The following KYAT3 variants were observed in gnomAD, a reference collection of about 807,000 sequenced individuals.
The protein encoded by KYAT3 is kynurenine aminotransferase 3.
Under a neutral mutation model 59.0 loss-of-function variants are expected in KYAT3, and 50 were observed. That is an observed-to-expected ratio of 0.85 (90% CI 0.68 to 1.07). The LOEUF is 1.07. KYAT3 is among the 50% of genes least tolerant of loss of function. The pLI is 0.00. For synonymous variants in KYAT3, 148 were observed against 177.0 expected, an observed-to-expected ratio of 0.84 and a Z score of 1.30; for missense variants, 497 against 533.3, an observed-to-expected ratio of 0.93 and a Z score of 0.67.
At chr1:88,976,294 T>C (rs993518284) in intron 2 of KYAT3, among the ~76,000 whole-genome samples, 7 of 151,912 alleles carry the variant, frequency 4.6e-5, no homozygotes, top group East Asian at 1.9e-4. Flanking sequence ...GAGGCAGAGG[T>C]TGCAGTAAGC....
At chr1:88,944,098 T>C (rs890194859) in intron 11 of KYAT3, among the ~76,000 whole-genome samples, 5 of 152,200 alleles carry the variant, frequency 3.3e-5, no homozygotes, top group Non-Finnish European at 5.9e-5. Flanking sequence ...CAATTTTGCT[T>C]TAAGGTCTGG....
intron 12 of KYAT3, 52 bp from the exon 13 acceptor site, chr1:88,943,143 T>C: frequency 7.2e-7 from 1 of 1,388,248 alleles, no homozygotes; most frequent in Admixed American, 1.7e-5. Flanking sequence ...ACTTCAAATA[T>C]TAATTTTGGT....
chr1:88,922,768 T>C, the KYAT3 span, among the ~76,000 whole-genome samples: 2 of 152,294 alleles, frequency 1.3e-5, no homozygotes, highest in African/African-American at 4.8e-5. Context: ...CTGACCCTTC[T>C]TCCAACCAAT....
chr1:88,966,563 T>C (rs1676358942), intron 4 of KYAT3, among the ~76,000 whole-genome samples: 1 of 152,184 alleles, frequency 6.6e-6, no homozygotes, highest in African/African-American at 2.4e-5. Flanking sequence ...TTTTGTATAT[T>C]GGCTTTGTGT....
downstream of KYAT3, among the ~76,000 whole-genome samples, chr1:88,931,069 C>T (rs1394003277): frequency 6.6e-6 from 1 of 152,086 alleles, no homozygotes; most frequent in African/African-American, 2.4e-5. Flanking sequence ...GGCTAGCCAC[C>T]AAGAAGGAAA....
intron 11 of KYAT3, among the ~76,000 whole-genome samples, chr1:88,947,298 G>A (rs1426629651): frequency 6.6e-6 from 1 of 152,156 alleles, no homozygotes; most frequent in Non-Finnish European, 1.5e-5. Context: ...CCCCAAAAAG[G>A]CTTTGGCCCA....
At chr1:88,969,598 A>C in intron 2 of KYAT3, 131 bp from the exon 3 acceptor site, 1 of 590,644 alleles carries the variant, frequency 1.7e-6, no homozygotes, top group Non-Finnish European at 3.0e-6. Flanking sequence ...TAAATCTTAG[A>C]CTCCAACACA....
chr1:88,939,032 A>AT (rs1675140870), intron 13 of KYAT3, among the ~76,000 whole-genome samples: 1 of 152,182 alleles, frequency 6.6e-6, no homozygotes. Flanking sequence ...CACCATAGAG[A>AT]TTTTACAAAT....
chr1:88,977,750 C>T (rs992118605), intron 2 of KYAT3, among the ~76,000 whole-genome samples: 2 of 152,112 alleles, frequency 1.3e-5, no homozygotes, highest in African/African-American at 2.4e-5. Context: ...ACTCACTGAC[C>T]CACCCAGAGC....
At chr1:88,961,015 T>C (rs1478676753) in intron 8 of KYAT3, 152 bp downstream of exon 8, 4 of 667,914 alleles carry the variant, frequency 6.0e-6, no homozygotes, top group Non-Finnish European at 1.0e-5. Flanking sequence ...TTCACTAAAG[T>C]ATTGCTCATT....
chr1:88,928,060 C>A, the KYAT3 span, among the ~76,000 whole-genome samples: 1 of 152,088 alleles, frequency 6.6e-6, no homozygotes, highest in Admixed American at 6.5e-5. Flanking sequence ...TGCTAACTTG[C>A]GCGCTAGAAG....
intron 4 of KYAT3, among the ~76,000 whole-genome samples, chr1:88,966,846 G>A (rs1480021619): frequency 1.3e-5 from 2 of 152,174 alleles, no homozygotes; most frequent in African/African-American, 2.4e-5. Context: ...TTTTATCAGA[G>A]TGAGAAAGCT....
At chr1:88,933,114 A>G (rs1307831756), downstream of KYAT3, among the ~76,000 whole-genome samples, 2 of 152,140 alleles carry the variant, frequency 1.3e-5, no homozygotes, top group Admixed American at 6.5e-5. Flanking sequence ...TTCTGACCAC[A>G]CTACTGTAAT....
intron 1 of KYAT3, among the ~76,000 whole-genome samples, chr1:88,990,870 A>G (rs1677754080): frequency 6.6e-6 from 1 of 152,228 alleles, no homozygotes; most frequent in Non-Finnish European, 1.5e-5. Flanking sequence ...TATATTCACA[A>G]ATGAGATAAA....
intron 8 of KYAT3, among the ~76,000 whole-genome samples, chr1:88,957,484 C>T (rs1024177402): frequency 6.6e-6 from 1 of 152,076 alleles, no homozygotes; most frequent in African/African-American, 2.4e-5. Flanking sequence ...CATTTTGTAG[C>T]CATTTTGCAT....
At chr1:88,921,304 C>T in the KYAT3 span, among the ~76,000 whole-genome samples, 1 of 152,172 alleles carries the variant, frequency 6.6e-6, no homozygotes, top group African/African-American at 2.4e-5. Context: ...GAAGACTTTG[C>T]CTTTTTCCAT....
In KYAT3 at chr1:88,943,104, T is replaced by C. The variant is rs375176742; in HGVS notation, c.1216-13A>G. 3.8e-6 allele frequency: 6 copies of C among 1,571,288 alleles called. No homozygotes were observed. In the African/African-American group the frequency reaches 4.1e-5, roughly 11 times the overall value. On this transcript the variant is annotated splice_polypyrimidine_tract_variant and intron_variant, in intron 12 of 13. Coordinates refer to ENST00000260508, the MANE Select transcript of KYAT3 (RefSeq NM_001008661.3). ...TGGCTGATAGTTTCTGAAAAATAAA[T>C]AGAAACATATAATAAGAAAACTACT...
rs1271794106 is a variant in KYAT3 at position 88,969,474 on chromosome 1, T to G, written c.100-7A>C. On this transcript the variant is annotated splice_region_variant and splice_polypyrimidine_tract_variant and intron_variant, in intron 2 of 13. Transcript: ENST00000260508. Reference sequence around the variant, plus strand: ...TGAATTTCAGTGACATTTTCTGAAATATATAAATATTGAAAAGGAATTGCC... The same window carrying G: ...TGAATTTCAGTGACATTTTCTGAAAGATATAAATATTGAAAAGGAATTGCC... 6.5e-7 allele frequency: 1 copy of G among 1,531,630 alleles called. No individual in the cohort carries two copies. The highest frequency in any genetic ancestry group is 9.0e-7 in the Non-Finnish European group (1 of 1,108,114). 94.9% of individuals were successfully genotyped at this position (1,531,630 alleles called of 1,614,324 possible). A position where few individuals can be genotyped will look rare whatever the true frequency, so the allele number is the denominator to read the frequency against.
intron 3 of KYAT3, 70 bp downstream of exon 3, chr1:88,969,339 A>G: frequency 3.4e-6 from 3 of 887,030 alleles, no homozygotes; most frequent in Non-Finnish European, 3.7e-6. Context: ...GGCAAAAAAA[A>G]CTCCCATCTA....
Sources: gnomAD v4.1 joint callset for allele counts (sites outside exome capture counted in the v4.1 genomes callset) on GRCh38, gnomAD v4.1.1 for gene constraint, MANE v1.5 for transcripts, NCBI Gene and HGNC (gene_info 2026-07-23, HGNC 2026-07-21) for gene names.